PTPN13: variants seen among roughly 807,000 people sequenced by gnomAD.
PTPN13 encodes tyrosine-protein phosphatase non-receptor type 13.
In PTPN13, 191 loss-of-function variants were observed where a neutral mutation model predicts 284.0. The observed-to-expected ratio is 0.67, with a 90% confidence interval of 0.60 to 0.76. PTPN13 has a LOEUF of 0.76. Among genes scored for constraint, PTPN13 ranks in the 30% least tolerant of loss-of-function variants. The pLI, the probability that PTPN13 is intolerant of heterozygous loss-of-function variation, is 0.00. For synonymous variants in PTPN13, 986 were observed against 1,022.3 expected, an observed-to-expected ratio of 0.96 and a Z score of 0.68; for missense variants, 2,797 against 2,939.9, an observed-to-expected ratio of 0.95 and a Z score of 1.12.
rs1011422892 is a variant in PTPN13 at position 86,814,607 on chromosome 4, C to A, written c.*56C>A. On this transcript the variant is annotated 3_prime_UTR_variant, in exon 48 of 48. Coordinates refer to ENST00000411767, the MANE Select transcript of PTPN13 (RefSeq NM_080683.3). ...TTCTCTCCTTAACCTCCAGCAGACT[C>A]CTGCTCTCTATCCAAAATAAAGATC... 320 of 1,367,238 alleles carry A rather than the reference C, an allele frequency of 2.3e-4. No individual in the cohort carries two copies. The highest frequency in any genetic ancestry group is 7.2e-4 in the Middle Eastern group (4 of 5,568). The allele number at this position is 1,367,238 out of a possible 1,614,324, so 84.7% of individuals were successfully genotyped here.
At chr4:86,691,095 T>C (rs1391477562) in intron 5 of PTPN13, among the ~76,000 whole-genome samples, 1 of 152,012 alleles carries the variant, frequency 6.6e-6, no homozygotes, top group Non-Finnish European at 1.5e-5. Flanking sequence ...AGCATGGTGA[T>C]GCATGCCTTT....
chr4:86,607,275 A>G (rs1290161848), intron 1 of PTPN13, among the ~76,000 whole-genome samples: 2 of 151,876 alleles, frequency 1.3e-5, no homozygotes, highest in Non-Finnish European at 3.0e-5. Context: ...AAAGATATCT[A>G]TGATGTCTAT....
chr4:86,597,125 A>G (rs1326156819), intron 1 of PTPN13, among the ~76,000 whole-genome samples: 2 of 151,568 alleles, frequency 1.3e-5, no homozygotes, highest in Non-Finnish European at 2.9e-5. Context: ...TAGAAGAATC[A>G]GTGCTGATGG....
At chr4:86,689,985 C>T (rs1729859853) in intron 5 of PTPN13, 5 of 384,900 alleles carry the variant, frequency 1.3e-5, no homozygotes, top group Non-Finnish European at 1.9e-5. Context: ...AATTCCTCAT[C>T]GGTAGGGGTT....
At chr4:86,629,221 A>C (rs1280882180) in intron 1 of PTPN13, among the ~76,000 whole-genome samples, 1 of 148,326 alleles carries the variant, frequency 6.7e-6, no homozygotes, top group Non-Finnish European at 1.5e-5. Context: ...TAATATCCAG[A>C]ATCTACAATG....
chr4:86,690,697 A>G (rs1245716520), intron 5 of PTPN13, among the ~76,000 whole-genome samples: 1 of 152,076 alleles, frequency 6.6e-6, no homozygotes, highest in African/African-American at 2.4e-5. Flanking sequence ...TTTTACTCCT[A>G]TAGTAAAATT....
rs757819690 is a variant in PTPN13 at position 86,807,789 on chromosome 4, C to T, written c.6975C>T (p.Asn2325=). 6.2e-7 allele frequency: 1 copy of T among 1,614,034 alleles called. No homozygotes were observed. Among genetic ancestry groups the T allele is most frequent in the South Asian group, 1.1e-5 (1 of 91,088 alleles). ...EKIKCQRYWP[N]ILGKTTMVSN... is the part of the protein sequence containing the mutation. ...TCAAATGCCAGCGCTATTGGCCCAA[C>T]ATCCTAGGCAAAACAACAATGGTCA... The change falls in exon 45 of 48, where the codon AAC becomes AAT. Residue 2325 remains asparagine, a synonymous_variant. Transcript: ENST00000411767.
intron 1 of PTPN13, among the ~76,000 whole-genome samples, chr4:86,598,317 A>G (rs976602129): frequency 1.3e-5 from 2 of 151,868 alleles, no homozygotes; most frequent in Non-Finnish European, 2.9e-5. Context: ...GCTAATTTCT[A>G]TATTTTTAGT....
chr4:86,744,285 T>TA (rs888199385), intron 16 of PTPN13, among the ~76,000 whole-genome samples: 6 of 152,096 alleles, frequency 3.9e-5, no homozygotes, highest in African/African-American at 1.2e-4. Context: ...TATATATTAA[T>TA]AAAAAAATTA....
chr4:86,698,023 T>C (rs1418918137), intron 6 of PTPN13, among the ~76,000 whole-genome samples: 1 of 152,196 alleles, frequency 6.6e-6, no homozygotes, highest in African/African-American at 2.4e-5. Context: ...ATTTATTGTT[T>C]GCCATTTAAC....
chr4:86,621,275 T>G (rs1721208103), intron 1 of PTPN13, among the ~76,000 whole-genome samples: 1 of 152,188 alleles, frequency 6.6e-6, no homozygotes, highest in Admixed American at 6.5e-5. Context: ...AAATTTTTTA[T>G]CTCCATTTAA....
chr4:86,711,433 T>C (rs1401636473), intron 7 of PTPN13, among the ~76,000 whole-genome samples: 1 of 152,156 alleles, frequency 6.6e-6, no homozygotes, highest in African/African-American at 2.4e-5. Context: ...TTTATGTACA[T>C]TTATTTACAC....
chr4:86,617,712 G>T (rs1250802175), intron 1 of PTPN13, among the ~76,000 whole-genome samples: 1 of 152,004 alleles, frequency 6.6e-6, no homozygotes, highest in East Asian at 1.9e-4. Context: ...TGTGTCTTTT[G>T]GCTGCATACA....
At chr4:86,597,436 A>G (rs1578222609) in intron 1 of PTPN13, among the ~76,000 whole-genome samples, 1 of 152,140 alleles carries the variant, frequency 6.6e-6, no homozygotes, top group Non-Finnish European at 1.5e-5. Context: ...AAATAGAGAC[A>G]ATGTCTCGCT....
At chr4:86,797,628 G>C (rs534627420) in intron 41 of PTPN13, among the ~76,000 whole-genome samples, 1 of 152,010 alleles carries the variant, frequency 6.6e-6, no homozygotes, top group African/African-American at 2.4e-5. Context: ...GAATGAAAGC[G>C]TGACCCTAAA....
At chr4:86,760,611 T>G (rs1431640399) in intron 23 of PTPN13, among the ~76,000 whole-genome samples, 1 of 152,172 alleles carries the variant, frequency 6.6e-6, no homozygotes, top group Non-Finnish European at 1.5e-5. Flanking sequence ...GATTTTTAAT[T>G]GTAACTATGG....
intron 2 of PTPN13, among the ~76,000 whole-genome samples, chr4:86,654,905 C>T (rs1725558480): frequency 6.6e-6 from 1 of 152,150 alleles, no homozygotes; most frequent in Admixed American, 6.5e-5. Flanking sequence ...TAAGGACTTG[C>T]TTTATGAATC....
chr4:86,617,733 T>A (rs2148650449), intron 1 of PTPN13, among the ~76,000 whole-genome samples: 1 of 152,358 alleles, frequency 6.6e-6, no homozygotes, highest in African/African-American at 2.4e-5. Context: ...TGTCTTCTTT[T>A]GAGAAGTGTC....
chr4:86,780,717 A>G (rs1741205403), intron 36 of PTPN13, among the ~76,000 whole-genome samples: 2 of 152,366 alleles, frequency 1.3e-5, no homozygotes, highest in East Asian at 1.9e-4. Context: ...TCAAATGTCC[A>G]AAAACTGTTG....
Sources: allele counts gnomAD v4.1 joint callset (sites outside exome capture counted in the v4.1 genomes callset), GRCh38; gene constraint gnomAD v4.1.1; transcripts MANE v1.5; gene names NCBI Gene and HGNC (gene_info 2026-07-23, HGNC 2026-07-21).